TCOF1: variants seen among roughly 807,000 people sequenced by gnomAD.
TCOF1 encodes treacle protein.
A neutral mutation model predicts 149.0 loss-of-function variants in TCOF1; 33 were observed. The observed-to-expected ratio is 0.22, with a 90% confidence interval of 0.17 to 0.30. The LOEUF (loss-of-function observed/expected upper bound fraction) is 0.30. Among genes scored for constraint, TCOF1 ranks in the 10% least tolerant of loss-of-function variants. The pLI, the probability that TCOF1 is intolerant of heterozygous loss-of-function variation, is 1.00. For synonymous variants in TCOF1, 789 were observed against 738.8 expected (o/e 1.07, Z -1.10); for missense variants, 1,728 against 1,840.7 (o/e 0.94, Z 1.12).
In TCOF1 at chr5:150,393,410, A is replaced by G. The variant is rs1305462262; in HGVS notation, c.3642A>G (p.Pro1214=). Reference sequence around the variant, plus strand: ...GTTATATGACCCCTGGACTAACCCCAGCCAATTCCCAGGCCTCAAAAGCCA... The same window carrying G: ...GTTATATGACCCCTGGACTAACCCCGGCCAATTCCCAGGCCTCAAAAGCCA... The part of the protein sequence containing the change: ...LSGYMTPGLT[P]ANSQASKATP... Residue 1214 remains proline (P), a synonymous_variant, in exon 23 of 27, where the codon CCA becomes CCG. Coordinates refer to ENST00000643257, the MANE Select transcript of TCOF1 (RefSeq NM_001371623.1). 2.5e-6 allele frequency: 4 copies of G among 1,614,112 alleles called. No individual in the cohort carries two copies. Among genetic ancestry groups the G allele is most frequent in the East Asian group, 4.5e-5 (2 of 44,874 alleles).
chr5:150,392,862 C>G (rs549453968), intron 22 of TCOF1, 72 bp downstream of exon 22: 3 of 1,544,170 alleles, frequency 1.9e-6, no homozygotes, highest in Non-Finnish European at 2.7e-6. Context: ...CCTGTCTACC[C>G]GATCCCTCAG....
At position 150,392,007 on chromosome 5, in the gene TCOF1, C is replaced by T. The variant is rs770836127; in HGVS notation, c.3348C>T (p.Ser1116=). The change falls in exon 21 of 27, where the codon TCC becomes TCT. Residue 1116 remains serine, a synonymous_variant. Coordinates refer to ENST00000643257, the MANE Select transcript of TCOF1 (RefSeq NM_001371623.1). ...CTGCAACAAGTCCCCAGAGCACCTC[C>T]GTCCAGGCCAAAGGGACCAACAAGC... ...TLPATSPQST[S]VQAKGTNKLR... 44 of 1,614,222 alleles carry T rather than the reference C, an allele frequency of 2.7e-5. No homozygotes were observed. The highest frequency in any genetic ancestry group is 4.5e-5 in the East Asian group (2 of 44,896).
At chr5:150,384,160 C>T (rs942725791) in intron 17 of TCOF1, 3 of 1,052,824 alleles carry the variant, frequency 2.8e-6, no homozygotes, top group Non-Finnish European at 3.4e-6. Flanking sequence ...TCAGTAAGGT[C>T]AGATGCTGTT....
At chr5:150,385,797 A>C (rs1378438674) in intron 17 of TCOF1, among the ~76,000 whole-genome samples, 1 of 152,116 alleles carries the variant, frequency 6.6e-6, no homozygotes, top group Non-Finnish European at 1.5e-5. Flanking sequence ...CTGGGTCCTT[A>C]CTGCCCAGCA....
Position 150,379,269 on chromosome 5 carries a change from T to C in TCOF1, c.2519T>C (p.Leu840Ser), listed in dbSNP as rs1332134225. 1.9e-6 allele frequency: 3 copies of C among 1,614,076 alleles called. No homozygotes were observed. Among genetic ancestry groups the C allele is most frequent in the Non-Finnish European group, 2.5e-6 (3 of 1,180,038 alleles). The change falls in exon 16 of 27, where the codon TTG (leucine) becomes TCG (serine). Residue 840 changes from leucine (L) to serine (S), a missense_variant. Transcript: ENST00000643257. The part of the protein sequence containing the change: ...PVRNPQNSTV[L>S]ARGPASVPSV... ...AGAAACCCCCAGAACAGTACCGTCT[T>C]GGCGAGGGGCCCAGCATCTGTGCCA...
At chr5:150,375,267 G>A (rs933588303) in intron 10 of TCOF1, 72 bp from the exon 11 acceptor site, 76 of 1,605,400 alleles carry the variant, frequency 4.7e-5, no homozygotes, top group Non-Finnish European at 6.2e-5. Context: ...GGCTGGCTTC[G>A]TTTGCTCTCC....
intron 20 of TCOF1, 55 bp downstream of exon 20, chr5:150,391,712 TGGCC>T: frequency 6.6e-7 from 1 of 1,506,646 alleles, no homozygotes; most frequent in Non-Finnish European, 9.1e-7. Context: ...GGTGCAGGCG[TGGCC>T]CTGCATCGCG....
At chr5:150,363,988 C>T in intron 2 of TCOF1, 125 bp from the exon 3 acceptor site, 1 of 1,418,418 alleles carries the variant, frequency 7.1e-7, no homozygotes, top group Admixed American at 1.8e-5. Flanking sequence ...TGTGTTTTCA[C>T]CACTGTTTAG....
Position 150,396,676 on chromosome 5 carries a change from A to G in TCOF1, c.4179A>G (p.Arg1393=), listed in dbSNP as rs746577965. 6.2e-7 allele frequency: 1 copy of G among 1,612,378 alleles called. No individual in the cohort carries two copies. Among genetic ancestry groups the G allele is most frequent in the South Asian group, 1.1e-5 (1 of 90,814 alleles). Residue 1393 remains arginine (R), a synonymous_variant, in exon 24 of 27, where the codon AGA becomes AGG. Transcript: ENST00000643257. ...TSTTSKGKAK[R]DKASGDVKEK... is the part of the protein sequence containing the mutation. ...CGACTTCCAAGGGGAAAGCAAAGAG[A>G]GACAAAGCAAGTGGTGATGTCAAGG... is the stretch of plus-strand genomic sequence containing the variant.
intron 4 of TCOF1, 65 bp downstream of exon 4, chr5:150,367,982 T>G: frequency 6.4e-7 from 1 of 1,568,288 alleles, no homozygotes; most frequent in Non-Finnish European, 8.8e-7. Context: ...GGGACAGTCT[T>G]ACATGTCAGA....
Position 150,374,328 on chromosome 5 carries a change from G to T in TCOF1, c.1025G>T (p.Ser342Ile). ...AGKPEEDSES[S>I]SEESSDSEEE... is the part of the protein sequence containing the mutation. ...AAGCCAGAGGAGGACTCAGAGAGCA[G>T]CAGCGAGGAGTCATCTGACAGTGAG... is the stretch of plus-strand genomic sequence containing the variant. Residue 342 changes from serine (S) to isoleucine (I), a missense_variant, in exon 8 of 27, where the codon AGC (serine) becomes ATC (isoleucine). Around this residue, in one of 2 missense-constraint regions of TCOF1, gnomAD observed 1,696 missense variants for 1,765.4 expected, o/e 0.96. Coordinates refer to ENST00000643257, the MANE Select transcript of TCOF1 (RefSeq NM_001371623.1). The T allele has an allele frequency of 6.4e-7, 1 of 1,572,540 alleles. No homozygotes were observed. Among genetic ancestry groups the T allele is most frequent in the Non-Finnish European group, 8.6e-7 (1 of 1,158,090 alleles).
intron 17 of TCOF1, among the ~76,000 whole-genome samples, chr5:150,381,971 G>A (rs1388921865): frequency 2.6e-5 from 4 of 152,250 alleles, no homozygotes; most frequent in Non-Finnish European, 4.4e-5. Flanking sequence ...TGAGACAGGC[G>A]GATCACTTGA....
chr5:150,393,200 C>T lies in TCOF1; in HGVS notation c.3604-172C>T, dbSNP rs192534066. On this transcript the variant is annotated intron_variant, in intron 22 of 26. Coordinates refer to ENST00000643257, the MANE Select transcript of TCOF1 (RefSeq NM_001371623.1). ...TAATTAAAATAGTTCAGGAGGCACA[C>T]GCCAAGGGCTGAAGTGCTGCTCTGT... is the stretch of plus-strand genomic sequence containing the variant. 742 of 735,896 alleles carry T rather than the reference C, an allele frequency of 1.0e-3. 13 individuals carry two copies. The Admixed American group carries it at 0.015, about 15-fold the overall frequency. The allele number at this position is 735,896 out of a possible 1,614,324, so 45.6% of individuals were successfully genotyped here.
intron 20 of TCOF1, 120 bp downstream of exon 20, chr5:150,391,777 G>T: frequency 5.9e-6 from 7 of 1,177,496 alleles, no homozygotes; most frequent in Non-Finnish European, 8.7e-6. Context: ...TGCCTCCCTC[G>T]GCCTCAGTGG....
rs1581102438 is a variant in TCOF1, at chr5:150,374,097, C to T, written c.871-77C>T. The T allele has an allele frequency of 7.3e-6, 11 of 1,503,044 alleles. No homozygotes were observed. In the East Asian group the frequency reaches 2.7e-4, roughly 36 times the overall value. The allele number at this position is 1,503,044 out of a possible 1,614,324, so 93.1% of individuals were successfully genotyped here. A position where few individuals can be genotyped will look rare whatever the true frequency, so the allele number is the denominator to read the frequency against. ...GAGGTCTTAGGAGCCTCATTAAGGC[C>T]TCTGGACTTTATCCTAAAGGCATCA... On this transcript the variant is annotated intron_variant, in intron 7 of 26. Transcript: ENST00000643257.
chr5:150,377,845 C>A (rs1764175011), intron 14 of TCOF1, among the ~76,000 whole-genome samples: 1 of 152,204 alleles, frequency 6.6e-6, no homozygotes, highest in Non-Finnish European at 1.5e-5. Flanking sequence ...GAACCATGGG[C>A]TATTTTGAAG....
intron 1 of TCOF1, among the ~76,000 whole-genome samples, 172 bp downstream of exon 1, chr5:150,358,026 C>T (rs1287978976): frequency 6.6e-6 from 1 of 152,248 alleles, no homozygotes; most frequent in African/African-American, 2.4e-5. Context: ...CTTCCCACTG[C>T]GACTTCAGTT....
chr5:150,392,085 C>T lies in TCOF1; in HGVS notation c.3426C>T (p.Ser1142=), dbSNP rs138291748. The change falls in exon 21 of 27, where the codon AGC becomes AGT. Residue 1142 remains serine, a synonymous_variant. Transcript: ENST00000643257. The part of the protein sequence containing the change: ...EVQQATKAPE[S]SDDSEDSSDS... ...AGCAGGCCACCAAAGCCCCTGAGAG[C>T]TCAGATGACAGTGAGGACAGCAGCG... The T allele has an allele frequency of 3.2e-4, 522 of 1,614,222 alleles. 1 individual carries two copies. In the African/African-American group the frequency reaches 6.2e-3, roughly 19 times the overall value.
In TCOF1 at chr5:150,379,649, G is replaced by C. The variant is rs757577853; in HGVS notation, c.2776G>C (p.Ala926Pro). The C allele has an allele frequency of 6.2e-7, 1 of 1,613,870 alleles. No individual in the cohort carries two copies. Among genetic ancestry groups the C allele is most frequent in the Non-Finnish European group, 8.5e-7 (1 of 1,179,936 alleles). The part of the protein sequence containing the change: ...PGKTGPSAAQ[A>P]GKQDDSGSSS... The stretch of plus-strand genomic sequence containing the variant: ...GAAGACAGGGCCTTCGGCTGCCCAG[G>C]CAGGGAAGCAGGATGACTCAGGGAG... The change falls in exon 17 of 27, where the codon GCA becomes CCA. Residue 926 changes from alanine (A) to proline (P), a missense_variant. By Grantham distance (27) the Ala-to-Pro change is conservative (BLOSUM62 -1). Around this residue, in one of 2 missense-constraint regions of TCOF1, gnomAD observed 1,696 missense variants for 1,765.4 expected, o/e 0.96. Coordinates refer to ENST00000643257, the MANE Select transcript of TCOF1 (RefSeq NM_001371623.1).
Sources: gnomAD v4.1 joint callset for allele counts (sites outside exome capture counted in the v4.1 genomes callset) on GRCh38, gnomAD v4.1.1 for gene constraint, gnomAD v4.1.1 regional missense constraint, MANE v1.5 for transcripts, NCBI Gene and HGNC (gene_info 2026-07-23, HGNC 2026-07-21) for gene names.